Variants in SIPA1L2 observed in about 807,000 individuals in gnomAD.
SIPA1L2 encodes signal-induced proliferation-associated 1-like protein 2.
A neutral mutation model predicts 163.9 loss-of-function variants in SIPA1L2; 56 were observed. The observed-to-expected ratio is 0.34, with a 90% CI of 0.28 to 0.43. SIPA1L2 has a LOEUF of 0.43. Among genes scored for constraint, SIPA1L2 ranks in the 20% least tolerant of loss-of-function variants. The pLI is 1.00. For missense variants in SIPA1L2, 1,974 were observed against 2,193.5 expected (o/e 0.90, Z 2.00); for synonymous variants, 877 against 865.7 (o/e 1.01, Z -0.23).
At chr1:232,559,183 G>A (rs1658894797) in intron 2 of SIPA1L2, among the ~76,000 whole-genome samples, 1 of 152,112 alleles carries the variant, frequency 6.6e-6, no homozygotes. Context: ...CAGCCCATGG[G>A]GTAGCAGGGA....
intron 4 of SIPA1L2, among the ~76,000 whole-genome samples, chr1:232,492,074 T>C (rs972567504): frequency 1.3e-5 from 2 of 152,180 alleles, no homozygotes; most frequent in African/African-American, 4.8e-5. Context: ...CATAGGTCTA[T>C]AACTTAAAAT....
At chr1:232,626,037 G>T (rs998223224) in intron 1 of SIPA1L2, among the ~76,000 whole-genome samples, 10 of 152,228 alleles carry the variant, frequency 6.6e-5, no homozygotes, top group African/African-American at 2.4e-4. Context: ...CTCCTCTCTG[G>T]ATAGGAAGAA....
intron 18 of SIPA1L2, among the ~76,000 whole-genome samples, chr1:232,421,933 C>A (rs537491374): frequency 1.3e-5 from 2 of 152,280 alleles, no homozygotes; most frequent in South Asian, 4.1e-4. Context: ...GAGTTTTGAT[C>A]TCCGTTCCAT....
At chr1:232,471,916 C>CTA (rs1490688183) in intron 7 of SIPA1L2, among the ~76,000 whole-genome samples, 1 of 152,212 alleles carries the variant, frequency 6.6e-6, no homozygotes, top group African/African-American at 2.4e-5. Flanking sequence ...AAGTCCTACA[C>CTA]TATCACACCG....
At position 232,597,689 on chromosome 1, in the gene SIPA1L2, C is replaced by CAA. The variant is rs376123118; in HGVS notation, c.-318-23469_-318-23468dup. ...TGGGCGACAGAGCGAAACTCTGTCTCAAAAAAAAAAAAAAAAAAAAAAAAA... is the reference window on the plus strand; with the variant it reads ...TGGGCGACAGAGCGAAACTCTGTCTCAAAAAAAAAAAAAAAAAAAAAAAAAAA... On this transcript the variant is annotated intron_variant, in intron 1 of 22. Transcript: ENST00000674635. 2.9e-4 allele frequency among the ~76,000 whole-genome samples: 19 copies of CAA among 65,382 alleles called. 1 individual carries two copies. Among genetic ancestry groups the CAA allele is most frequent in the Admixed American group, 7.9e-4 (4 of 5,040 alleles). 42.9% of individuals were successfully genotyped at this position (65,382 alleles called of 152,430 possible). A position where few individuals can be genotyped will look rare whatever the true frequency, so the allele number is the denominator to read the frequency against.
Position 232,501,050 on chromosome 1 carries a change from A to ATTTTTTTTTTTTTTTTTT in SIPA1L2, c.1484-7408_1484-7391dup, listed in dbSNP as rs60008360. Among the ~76,000 whole-genome samples, 29 of 78,444 alleles carry ATTTTTTTTTTTTTTTTTT rather than the reference A, an allele frequency of 3.7e-4. 4 individuals are homozygous for ATTTTTTTTTTTTTTTTTT. The highest frequency in any genetic ancestry group is 3.9e-4 in the African/African-American group (8 of 20,650). The allele number at this position is 78,444 out of a possible 152,430, so 51.5% of individuals were successfully genotyped here. A position where few individuals can be genotyped will look rare whatever the true frequency, so the allele number is the denominator to read the frequency against. ...TGTTAGCACTTTTTAGCAATGAAGT[A>ATTTTTTTTTTTTTTTTTT]TTTTTTTTTTTTTTTTTTTTTTTGT... On this transcript the variant is annotated intron_variant, in intron 3 of 22. Transcript: ENST00000674635.
chr1:232,616,177 A>G (rs1210517055), intron 1 of SIPA1L2, among the ~76,000 whole-genome samples: 1 of 152,204 alleles, frequency 6.6e-6, no homozygotes, highest in Non-Finnish European at 1.5e-5. Flanking sequence ...TAGCAAAAAG[A>G]GCTCAAGATC....
At chr1:232,484,505 G>A (rs1665546656) in intron 5 of SIPA1L2, among the ~76,000 whole-genome samples, 1 of 152,122 alleles carries the variant, frequency 6.6e-6, no homozygotes, top group Non-Finnish European at 1.5e-5. Context: ...TATGATATAT[G>A]TATACAAACA....
intron 2 of SIPA1L2, among the ~76,000 whole-genome samples, chr1:232,564,148 TCGTGTGTG>T (rs1558271040): frequency 4.1e-5 from 1 of 24,142 alleles, no homozygotes; most frequent in Non-Finnish European, 6.5e-5. Context: ...TTTTTTTTTT[TCGTGTGTG>T]TGTGTGTGTG....
chr1:232,422,476 AG>A lies in SIPA1L2; in HGVS notation c.4630+3112del, dbSNP rs540826482. On this transcript the variant is annotated intron_variant, in intron 18 of 22. Transcript: ENST00000674635. ...TACATGTAGAAAAGGTGCAGAGATT[AG>A]GTCTTCCAATATTCACTGGGAAGAG... Among the ~76,000 whole-genome samples, 110 of 152,372 alleles carry A rather than the reference AG, an allele frequency of 7.2e-4. 1 individual carries two copies. Among genetic ancestry groups the A allele is most frequent in the African/African-American group, 2.5e-3 (106 of 41,596 alleles).
chr1:232,515,917 T>A (rs1295994954), intron 2 of SIPA1L2, among the ~76,000 whole-genome samples: 1 of 152,228 alleles, frequency 6.6e-6, no homozygotes, highest in Non-Finnish European at 1.5e-5. Context: ...ACAGAGTAAT[T>A]TTCCTTATCT....
intron 2 of SIPA1L2, among the ~76,000 whole-genome samples, chr1:232,526,749 A>G (rs1667731635): frequency 6.6e-6 from 1 of 152,202 alleles, no homozygotes; most frequent in African/African-American, 2.4e-5. Flanking sequence ...GGGCCTAGGC[A>G]GCAAGTCACT....
At chr1:232,448,354 T>G (rs1663339453) in intron 10 of SIPA1L2, among the ~76,000 whole-genome samples, 1 of 152,206 alleles carries the variant, frequency 6.6e-6, no homozygotes, top group African/African-American at 2.4e-5. Flanking sequence ...TGCCTCTCCC[T>G]AGACATTCCA....
intron 14 of SIPA1L2, 63 bp from the exon 15 acceptor site, chr1:232,439,559 T>G: frequency 1.9e-6 from 3 of 1,543,654 alleles, no homozygotes; most frequent in Non-Finnish European, 2.6e-6. Context: ...CTTCTCACCC[T>G]GACTCAGGGA....
At chr1:232,624,025 A>G (rs565038573) in intron 1 of SIPA1L2, among the ~76,000 whole-genome samples, 91 of 152,298 alleles carry the variant, frequency 6.0e-4, no homozygotes, top group Admixed American at 2.0e-4. Context: ...TAAAATGTAC[A>G]TTTGTTTTAT....
Position 232,404,194 on chromosome 1 carries a change from G to T in SIPA1L2, c.4763-16C>A. 2 of 1,613,678 alleles carry T rather than the reference G, an allele frequency of 1.2e-6. No individual in the cohort carries two copies. Among genetic ancestry groups the T allele is most frequent in the Non-Finnish European group, 1.7e-6 (2 of 1,179,714 alleles). ...GAGTCAAGACCTGAAATAAGATTTA[G>T]AATTTTCCTATGAACAGGAGTATCT... On this transcript the variant is annotated splice_polypyrimidine_tract_variant and intron_variant, in intron 19 of 22. Coordinates refer to ENST00000674635, the MANE Select transcript of SIPA1L2 (RefSeq NM_020808.5).
chr1:232,517,263 T>C (rs577738001), intron 2 of SIPA1L2, among the ~76,000 whole-genome samples: 38 of 152,198 alleles, frequency 2.5e-4, no homozygotes, highest in Non-Finnish European at 4.9e-4. Flanking sequence ...GGACAAACCC[T>C]ACCTTCCTTT....
At chr1:232,457,335 T>C (rs1663977976) in intron 10 of SIPA1L2, among the ~76,000 whole-genome samples, 1 of 152,170 alleles carries the variant, frequency 6.6e-6, no homozygotes, top group Non-Finnish European at 1.5e-5. Context: ...AGTTGATAAA[T>C]GGCAAAAATG....
intron 2 of SIPA1L2, among the ~76,000 whole-genome samples, chr1:232,529,764 G>T (rs1412914422): frequency 6.6e-6 from 1 of 152,218 alleles, no homozygotes; most frequent in African/African-American, 2.4e-5. Flanking sequence ...TCCTCAGCTA[G>T]GAGTAAATAG....
Sources: gnomAD v4.1 joint callset for allele counts (sites outside exome capture counted in the v4.1 genomes callset) on GRCh38, gnomAD v4.1.1 for gene constraint, MANE v1.5 for transcripts, NCBI Gene and HGNC (gene_info 2026-07-23, HGNC 2026-07-21) for gene names.